HDAC4: variants seen among roughly 807,000 people sequenced by gnomAD.
HDAC4 encodes the protein histone deacetylase A.
HDAC4 carries 16 observed loss-of-function variants against 135.1 expected under a neutral mutation model. The observed-to-expected ratio is 0.12, with a 90% CI of 0.08 to 0.18. The LOEUF is 0.18. Among genes scored for constraint, HDAC4 ranks in the 10% least tolerant of loss-of-function variants. The pLI, the probability that HDAC4 is intolerant of heterozygous loss-of-function variation, is 1.00. For synonymous variants in HDAC4, 685 were observed against 653.4 expected, an observed-to-expected ratio of 1.05 and a Z score of -0.74; for missense variants, 1,143 against 1,511.8, an observed-to-expected ratio of 0.76 and a Z score of 4.05.
At chr2:239,153,481 A>T (rs2042236858) in intron 7 of HDAC4, among the ~76,000 whole-genome samples, 1 of 150,644 alleles carries the variant, frequency 6.6e-6, no homozygotes, top group Non-Finnish European at 1.5e-5. Context: ...ACTTACTTAG[A>T]ATGAGCGATG....
intron 1 of HDAC4, among the ~76,000 whole-genome samples, chr2:239,368,937 C>A (rs970166208): frequency 6.6e-6 from 1 of 152,186 alleles, no homozygotes; most frequent in African/African-American, 2.4e-5. Flanking sequence ...CTGGTACCTG[C>A]TGCTGTGATT....
At chr2:239,193,460 C>A (rs565366119) in intron 3 of HDAC4, among the ~76,000 whole-genome samples, 35 of 152,358 alleles carry the variant, frequency 2.3e-4, no homozygotes, top group African/African-American at 7.9e-4. Flanking sequence ...GGGCCCAGGG[C>A]AGCCGCTGGG....
At chr2:239,144,070 G>C (rs538449879) in intron 8 of HDAC4, among the ~76,000 whole-genome samples, 4 of 152,070 alleles carry the variant, frequency 2.6e-5, no homozygotes, top group Non-Finnish European at 5.9e-5. Context: ...CCACTAGATG[G>C]GGCCAACCGT....
intron 3 of HDAC4, among the ~76,000 whole-genome samples, chr2:239,217,680 A>G (rs997429349): frequency 6.6e-6 from 1 of 152,204 alleles, no homozygotes; most frequent in Non-Finnish European, 1.5e-5. Context: ...CTAAAAAGAG[A>G]GCACGGCCTT....
chr2:239,200,060 C>T (rs2045660529), intron 3 of HDAC4, among the ~76,000 whole-genome samples: 1 of 152,192 alleles, frequency 6.6e-6, no homozygotes, highest in African/African-American at 2.4e-5. Flanking sequence ...ATTTCTTGAC[C>T]CCTGTGTGGG....
chr2:239,259,821 G>A lies in HDAC4; in HGVS notation c.23-23157C>T, dbSNP rs75532112. 5.0e-3 allele frequency among the ~76,000 whole-genome samples: 764 copies of A among 152,376 alleles called. 18 individuals are homozygous for A. In the East Asian group the frequency reaches 0.075, roughly 15 times the overall value. ...CTCAGCCCAGAGCCTGTGGTATGGC[G>A]TGAGCCCCAGTCCCTAGATCACAGC... is the stretch of plus-strand genomic sequence containing the variant. On this transcript the variant is annotated intron_variant, in intron 2 of 26. Transcript: ENST00000543185.
chr2:239,103,490 G>A (rs181326700), intron 15 of HDAC4, among the ~76,000 whole-genome samples: 4 of 152,356 alleles, frequency 2.6e-5, no homozygotes. Context: ...TTCTTTAGTT[G>A]AGCTACATTT....
At chr2:239,257,678 AC>A (rs1335751487) in intron 2 of HDAC4, among the ~76,000 whole-genome samples, 8 of 152,124 alleles carry the variant, frequency 5.3e-5, no homozygotes, top group African/African-American at 1.9e-4. Context: ...TGAAGTGATG[AC>A]TCATTGCTAG....
At chr2:239,267,384 A>G (rs1275813515) in intron 2 of HDAC4, among the ~76,000 whole-genome samples, 2 of 152,234 alleles carry the variant, frequency 1.3e-5, no homozygotes, top group African/African-American at 2.4e-5. Context: ...CCAGTGGCCA[A>G]CAGTTCCCAG....
At chr2:239,372,590 G>A (rs991564191) in intron 1 of HDAC4, among the ~76,000 whole-genome samples, 3 of 152,166 alleles carry the variant, frequency 2.0e-5, no homozygotes, top group East Asian at 1.9e-4. Flanking sequence ...CCGGCCTCCC[G>A]GTACACCAGG....
chr2:239,367,270 A>C (rs759065527), intron 1 of HDAC4, among the ~76,000 whole-genome samples: 1 of 152,152 alleles, frequency 6.6e-6, no homozygotes, highest in Admixed American at 6.5e-5. Flanking sequence ...CCGGTGTGAG[A>C]AGCAGAAATA....
chr2:239,239,076 A>G lies in HDAC4; in HGVS notation c.23-2412T>C, dbSNP rs535809804. Among the ~76,000 whole-genome samples, 5 of 152,322 alleles carry G rather than the reference A, an allele frequency of 3.3e-5. No homozygotes were observed. In the East Asian group the frequency reaches 5.8e-4, roughly 18 times the overall value. On this transcript the variant is annotated intron_variant, in intron 2 of 26. Coordinates refer to ENST00000543185, the MANE Select transcript of HDAC4 (RefSeq NM_001378414.1). ...GTGGGGTGGTTTCTGACACCAGCCAACTGGCACCAACTGGGCGTCCAATGA... is the reference window on the plus strand; with the variant it reads ...GTGGGGTGGTTTCTGACACCAGCCAGCTGGCACCAACTGGGCGTCCAATGA...
At chr2:239,197,880 T>TGC (rs1553553363) in intron 3 of HDAC4, among the ~76,000 whole-genome samples, 2 of 150,246 alleles carry the variant, frequency 1.3e-5, no homozygotes, top group African/African-American at 4.9e-5. Flanking sequence ...TGTGTGTGTG[T>TGC]GTGCTGAGTG....
chr2:239,081,405 T>C (rs892231136), intron 21 of HDAC4, among the ~76,000 whole-genome samples: 8 of 152,214 alleles, frequency 5.3e-5, no homozygotes, highest in African/African-American at 1.9e-4. Flanking sequence ...GGGGCCCTTT[T>C]CCTGGCTGCT....
intron 17 of HDAC4, chr2:239,093,971 G>A: frequency 1.0e-6 from 1 of 985,342 alleles, no homozygotes; most frequent in Non-Finnish European, 1.2e-6. Context: ...TTTCTGACGG[G>A]ATAATTTTCA....
intron 17 of HDAC4, among the ~76,000 whole-genome samples, chr2:239,092,674 C>T (rs181232758): frequency 1.1e-4 from 16 of 152,270 alleles, no homozygotes; most frequent in Admixed American, 2.0e-4. Context: ...GACCCTCCTT[C>T]GCCTGCTTCA....
intron 2 of HDAC4, among the ~76,000 whole-genome samples, chr2:239,344,982 G>A (rs1692520410): frequency 6.6e-6 from 1 of 152,100 alleles, no homozygotes; most frequent in Non-Finnish European, 1.5e-5. Context: ...CTGGCACCAA[G>A]CATGCTCTCA....
At chr2:239,321,023 C>T (rs957856479) in intron 2 of HDAC4, among the ~76,000 whole-genome samples, 17 of 152,132 alleles carry the variant, frequency 1.1e-4, no homozygotes, top group Admixed American at 9.8e-4. Flanking sequence ...CCTTTGATAA[C>T]GAATAACTAC....
intron 3 of HDAC4, among the ~76,000 whole-genome samples, chr2:239,201,276 G>T (rs192516225): frequency 2.0e-5 from 3 of 152,244 alleles, no homozygotes; most frequent in South Asian, 4.2e-4. Context: ...GGTCACCCAG[G>T]GGGGTGCCTC....
Sources: gnomAD v4.1 joint callset for allele counts (sites outside exome capture counted in the v4.1 genomes callset) on GRCh38, gnomAD v4.1.1 for gene constraint, MANE v1.5 for transcripts, NCBI Gene and HGNC (gene_info 2026-07-23, HGNC 2026-07-21) for gene names.